The following EIF4G3 variants were observed in gnomAD, a reference collection of about 807,000 sequenced individuals.
EIF4G3 encodes the protein eukaryotic translation initiation factor 4 gamma 3.
Under a neutral mutation model 186.4 loss-of-function variants are expected in EIF4G3, and 34 were observed. That is an observed-to-expected ratio of 0.18 (90% CI 0.14 to 0.24). The LOEUF (loss-of-function observed/expected upper bound fraction) is 0.24. Ranked by LOEUF, EIF4G3 falls within the 10% of genes least tolerant of loss-of-function variation. EIF4G3 has a pLI of 1.00. For synonymous variants in EIF4G3, 673 were observed against 679.5 expected (o/e 0.99, Z 0.15); for missense variants, 1,536 against 1,948.5 (o/e 0.79, Z 3.99).
chr1:20,833,271 T>A (rs2065823778), intron 30 of EIF4G3, among the ~76,000 whole-genome samples: 2 of 151,500 alleles, frequency 1.3e-5, no homozygotes, highest in Admixed American at 6.6e-5. Flanking sequence ...TTTGTTTGTA[T>A]CCTCTTTTAT....
intron 2 of EIF4G3, among the ~76,000 whole-genome samples, chr1:21,141,377 T>TTGTGTGTGTGTG (rs10627733): frequency 0.031 from 4,491 of 145,198 alleles, 94 homozygotes; most frequent in African/African-American, 0.047. Context: ...TATTTTTTCT[T>TTGTGTGTGTGTG]TGTGTGTGTG....
intron 4 of EIF4G3, among the ~76,000 whole-genome samples, chr1:21,020,491 AAAAT>A (rs200046084): frequency 0.019 from 2,929 of 152,166 alleles, 46 homozygotes; most frequent in Non-Finnish European, 0.028. Context: ...CCCTGTCTCA[AAAAT>A]AAATAAATAA....
At chr1:21,039,099 C>A (rs183679684) in intron 4 of EIF4G3, among the ~76,000 whole-genome samples, 1 of 152,254 alleles carries the variant, frequency 6.6e-6, no homozygotes, top group Non-Finnish European at 1.5e-5. Flanking sequence ...TACAGACAGA[C>A]ATACAGAGCA....
chr1:20,928,942 G>C (rs2095127817), intron 14 of EIF4G3, among the ~76,000 whole-genome samples: 1 of 152,062 alleles, frequency 6.6e-6, no homozygotes, highest in Non-Finnish European at 1.5e-5. Flanking sequence ...TGCTTCTATG[G>C]ATTTGCCTAT....
chr1:21,129,415 G>C (rs1428289006), intron 2 of EIF4G3, among the ~76,000 whole-genome samples: 1 of 152,116 alleles, frequency 6.6e-6, no homozygotes, highest in Non-Finnish European at 1.5e-5. Context: ...AATGCACTTG[G>C]TAAGTACGAC....
intron 7 of EIF4G3, among the ~76,000 whole-genome samples, chr1:20,984,821 C>T (rs2079095928): frequency 1.3e-5 from 2 of 152,026 alleles, no homozygotes; most frequent in African/African-American, 4.8e-5. Context: ...ATCTCCTGAC[C>T]TCGTGATCCG....
intron 2 of EIF4G3, among the ~76,000 whole-genome samples, chr1:21,101,704 C>T (rs1335230353): frequency 3.3e-5 from 5 of 151,812 alleles, no homozygotes; most frequent in Non-Finnish European, 5.9e-5. Flanking sequence ...GTAATCAATA[C>T]CACTTTGAGT....
chr1:20,819,304 T>C (rs1557771524), intron 33 of EIF4G3, among the ~76,000 whole-genome samples: 1 of 151,514 alleles, frequency 6.6e-6, no homozygotes, highest in African/African-American at 2.4e-5. Context: ...GCCTTTTTTT[T>C]CTTTTAAACT....
intron 32 of EIF4G3, among the ~76,000 whole-genome samples, chr1:20,827,273 T>TAG (rs1048339019): frequency 3.9e-5 from 6 of 152,230 alleles, no homozygotes; most frequent in Non-Finnish European, 5.9e-5. Flanking sequence ...CAGCCTGCCA[T>TAG]AGACTGACAG....
intron 2 of EIF4G3, among the ~76,000 whole-genome samples, chr1:21,114,375 C>T (rs934871257): frequency 6.6e-5 from 10 of 152,064 alleles, no homozygotes; most frequent in African/African-American, 2.4e-4. Flanking sequence ...TCGATCCACC[C>T]GCCTCGGCCT....
chr1:21,166,126 T>TTTTTTTTTTTTTTG, intron 2 of EIF4G3, among the ~76,000 whole-genome samples: 1 of 149,626 alleles, frequency 6.7e-6, no homozygotes, highest in Non-Finnish European at 1.5e-5. Flanking sequence ...TTTTTTCCTT[T>TTTTTTTTTTTTTTG]TAAAAATTCA....
intron 2 of EIF4G3, among the ~76,000 whole-genome samples, chr1:21,135,779 A>G (rs914842561): frequency 6.6e-6 from 1 of 152,232 alleles, no homozygotes; most frequent in Non-Finnish European, 1.5e-5. Context: ...CCCGGGTCCC[A>G]GACATATAAT....
intron 4 of EIF4G3, among the ~76,000 whole-genome samples, chr1:21,044,721 C>T (rs2093781661): frequency 6.6e-6 from 1 of 150,708 alleles, no homozygotes. Context: ...GATCCCAGCT[C>T]ACTGCAGCCT....
At chr1:20,953,127 T>C (rs769736457) in intron 12 of EIF4G3, among the ~76,000 whole-genome samples, 2 of 152,172 alleles carry the variant, frequency 1.3e-5, no homozygotes, top group Middle Eastern at 3.2e-3. Flanking sequence ...TGAAAACTTA[T>C]AAAATCATTC....
At chr1:21,100,009 C>T (rs900973919) in intron 2 of EIF4G3, among the ~76,000 whole-genome samples, 1 of 152,080 alleles carries the variant, frequency 6.6e-6, no homozygotes, top group African/African-American at 2.4e-5. Flanking sequence ...CATATCAATA[C>T]AATGGAATTT....
chr1:20,816,618 T>TG lies in EIF4G3; in HGVS notation c.4515+773dup, dbSNP rs1292915195. Among the ~76,000 whole-genome samples the TG allele has an allele frequency of 2.0e-4, 15 of 75,740 alleles. No homozygotes were observed. In the East Asian group the frequency reaches 4.9e-3, roughly 25 times the overall value. The allele number at this position is 75,740 out of a possible 152,430, so 49.7% of individuals were successfully genotyped here. Reference sequence around the variant, plus strand: ...CCAGCCGCCCTGTCCGGGAGGGTGGTGGGGGGGTCAGCCCCCCGCCCGGCC... The same window carrying TG: ...CCAGCCGCCCTGTCCGGGAGGGTGGTGGGGGGGGTCAGCCCCCCGCCCGGCC... On this transcript the variant is annotated intron_variant, in intron 34 of 36. Coordinates refer to ENST00000602326, the MANE Select transcript of EIF4G3 (RefSeq NM_001391906.1).
Position 21,171,805 on chromosome 1 carries a change from A to G in EIF4G3, c.-272+4370T>C, listed in dbSNP as rs533132837. Among the ~76,000 whole-genome samples the G allele has an allele frequency of 1.1e-4, 17 of 152,330 alleles. 1 individual carries two copies. The South Asian group carries it at 3.3e-3, about 30-fold the overall frequency. On this transcript the variant is annotated intron_variant, in intron 2 of 36. Coordinates refer to ENST00000602326, the MANE Select transcript of EIF4G3 (RefSeq NM_001391906.1). Reference sequence around the variant, plus strand: ...AGTTGCATGGTTAGTCTAAGATAAGATATCTACTACAATGAAAGAGCCAAA... The same window carrying G: ...AGTTGCATGGTTAGTCTAAGATAAGGTATCTACTACAATGAAAGAGCCAAA...
chr1:20,856,406 A>C (rs2074913946), intron 25 of EIF4G3, among the ~76,000 whole-genome samples: 1 of 152,202 alleles, frequency 6.6e-6, no homozygotes, highest in African/African-American at 2.4e-5. Flanking sequence ...GGGAAGTATA[A>C]GGATCAAACT....
intron 13 of EIF4G3, among the ~76,000 whole-genome samples, chr1:20,947,594 GAA>G (rs954141248): frequency 1.6e-4 from 25 of 151,992 alleles, no homozygotes; most frequent in African/African-American, 6.0e-4. Flanking sequence ...AAGAAAGAAA[GAA>G]AGAGAAAGGG....
Sources: allele counts gnomAD v4.1 joint callset (sites outside exome capture counted in the v4.1 genomes callset), GRCh38; gene constraint gnomAD v4.1.1; transcripts MANE v1.5; gene names NCBI Gene and HGNC (gene_info 2026-07-23, HGNC 2026-07-21).